Variants in DMD observed in about 807,000 individuals in gnomAD.
DMD encodes the protein dystrophin, also known as mutant dystrophin.
In DMD, 63 loss-of-function variants were observed where a neutral mutation model predicts 330.1. The ratio of observed to expected loss-of-function variants is 0.19; its 90% confidence interval spans 0.16 to 0.24. DMD has a LOEUF of 0.24. Among genes scored for constraint, DMD ranks in the 10% least tolerant of loss-of-function variants. The pLI, the probability that DMD is intolerant of heterozygous loss-of-function variation, is 1.00. For synonymous variants in DMD, 1,223 were observed against 959.8 expected, an observed-to-expected ratio of 1.27 and a Z score of -5.07; for missense variants, 3,344 against 2,684.1, an observed-to-expected ratio of 1.25 and a Z score of -5.43.
chrX:33,066,918 T>C (rs183063969), intron 1 of DMD, among the ~76,000 whole-genome samples: 2 of 111,842 alleles, frequency 1.8e-5, no homozygotes, highest in East Asian at 2.8e-4. Flanking sequence ...AGATTGACAA[T>C]ACAACATGAA....
intron 44 of DMD, among the ~76,000 whole-genome samples, chrX:31,987,160 T>C (rs932098891): frequency 5.3e-5 from 6 of 112,238 alleles, no homozygotes; most frequent in Non-Finnish European, 1.1e-4. Flanking sequence ...TTTACAAAAC[T>C]CAGCATGCTT....
Position 31,223,027 on chromosome X carries a change from A to C in DMD, c.9361+20T>G. On this transcript the variant is annotated intron_variant, in intron 64 of 78. Coordinates refer to ENST00000357033, the MANE Select transcript of DMD (RefSeq NM_004006.3). ...GCAAAGACATAGTATCAAGATCTTC[A>C]AATACTGGCCAATACTTACAGCAAA... The C allele has an allele frequency of 8.4e-7, 1 of 1,194,489 alleles. No homozygotes were observed. Among genetic ancestry groups the C allele is most frequent in the East Asian group, 3.0e-5 (1 of 33,793 alleles).
chrX:32,414,402 G>T (rs1176329558), intron 29 of DMD, among the ~76,000 whole-genome samples: 1 of 111,545 alleles, frequency 9.0e-6, no homozygotes, highest in African/African-American at 3.3e-5. Flanking sequence ...ATATGTTACG[G>T]GATGGCTAAA....
At chrX:32,930,431 AG>A (rs2089482244) in intron 2 of DMD, among the ~76,000 whole-genome samples, 2 of 110,886 alleles carry the variant, frequency 1.8e-5, no homozygotes, top group South Asian at 7.6e-4. Flanking sequence ...TTAGAGAAAG[AG>A]GAACTTCCAC....
intron 29 of DMD, among the ~76,000 whole-genome samples, chrX:32,419,515 A>T (rs530220003): frequency 8.9e-6 from 1 of 112,304 alleles, no homozygotes; most frequent in Admixed American, 9.4e-5. Flanking sequence ...TATAGGCGGT[A>T]AATAATTACA....
intron 13 of DMD, among the ~76,000 whole-genome samples, chrX:32,590,407 A>G (rs891957844): frequency 1.8e-5 from 2 of 111,131 alleles, no homozygotes; most frequent in Non-Finnish European, 3.8e-5. Context: ...GGATGCCTAG[A>G]TCACTGATGA....
intron 30 of DMD, among the ~76,000 whole-genome samples, chrX:32,392,932 G>A (rs866867104): frequency 7.1e-5 from 8 of 112,613 alleles, no homozygotes; most frequent in South Asian, 3.6e-4. Flanking sequence ...GATCTTGGAC[G>A]TTCAGCCCAG....
At position 32,705,688 on chromosome X, in the gene DMD, C is replaced by A. The variant is rs182524761; in HGVS notation, c.650-6395G>T. ...AATTTCTCCACATCCTCTCCGGCAC[C>A]TGTTGTTTCCTGACTTTTTAATGAT... On this transcript the variant is annotated intron_variant, in intron 7 of 78. Coordinates refer to ENST00000357033, the MANE Select transcript of DMD (RefSeq NM_004006.3). Among the ~76,000 whole-genome samples, 3 of 111,809 alleles carry A rather than the reference C, an allele frequency of 2.7e-5. No homozygotes were observed. The Admixed American group carries it at 2.9e-4, about 11-fold the overall frequency.
At position 32,155,444 on chromosome X, in the gene DMD, G is replaced by A; in HGVS notation, c.6438+61472C>T. On this transcript the variant is annotated intron_variant, in intron 44 of 78. Transcript: ENST00000357033. Reference sequence around the variant, plus strand: ...GTTCAGAGCAGCCAGCAATGCCTCCGCACAAAGCTTTGCCATTGCTAGTGT... The same window carrying A: ...GTTCAGAGCAGCCAGCAATGCCTCCACACAAAGCTTTGCCATTGCTAGTGT... The A allele has an allele frequency of 1.2e-5, 9 of 753,955 alleles. No individual in the cohort carries two copies. In the South Asian group the frequency reaches 3.4e-4, roughly 28 times the overall value. The allele number at this position is 753,955 out of a possible 1,213,427, so 62.1% of individuals were successfully genotyped here. A position where few individuals can be genotyped will look rare whatever the true frequency, so the allele number is the denominator to read the frequency against.
At chrX:32,648,048 C>T (rs1447061895) in intron 9 of DMD, among the ~76,000 whole-genome samples, 2 of 111,920 alleles carry the variant, frequency 1.8e-5, no homozygotes, top group Non-Finnish European at 3.8e-5. Flanking sequence ...TAACACAATA[C>T]TTTACACTGT....
chrX:31,645,412 A>C (rs917892290), intron 54 of DMD, among the ~76,000 whole-genome samples: 2 of 112,358 alleles, frequency 1.8e-5, no homozygotes, highest in South Asian at 7.4e-4. Context: ...AAAAGTCCTT[A>C]AACTTCTACC....
chrX:33,314,521 G>C (rs1053003764), intron 1 of DMD, among the ~76,000 whole-genome samples: 1 of 102,861 alleles, frequency 9.7e-6, no homozygotes, highest in Non-Finnish European at 2.0e-5. Flanking sequence ...GCCTCGCAAA[G>C]TGTTGGGATT....
chrX:32,285,932 T>C (rs1177115095), intron 43 of DMD, among the ~76,000 whole-genome samples: 1 of 110,964 alleles, frequency 9.0e-6, no homozygotes, highest in Admixed American at 9.6e-5. Context: ...ACTCCTGACC[T>C]CAAATGATGT....
chrX:31,988,068 T>C (rs1051776458), intron 44 of DMD, among the ~76,000 whole-genome samples: 1 of 112,022 alleles, frequency 8.9e-6, no homozygotes, highest in Non-Finnish European at 1.9e-5. Context: ...CTATGTTAAG[T>C]GTCTGAAGTT....
intron 61 of DMD, among the ~76,000 whole-genome samples, chrX:31,326,615 T>C (rs866551168): frequency 3.2e-5 from 3 of 93,275 alleles, no homozygotes; most frequent in Non-Finnish European, 6.4e-5. Context: ...AAAAGGAAAA[T>C]AACAACAGCC....
At chrX:33,051,461 C>T (rs2094455369) in intron 1 of DMD, among the ~76,000 whole-genome samples, 1 of 109,030 alleles carries the variant, frequency 9.2e-6, no homozygotes, top group South Asian at 4.0e-4. Context: ...ATCCACTGGC[C>T]TCTAACTCCC....
intron 7 of DMD, among the ~76,000 whole-genome samples, chrX:32,780,927 TAAAAATAAAAAAAAAATAAAA>T (rs1208566404): frequency 1.0e-5 from 1 of 99,828 alleles, no homozygotes; most frequent in Non-Finnish European, 1.9e-5. Flanking sequence ...CCGTCTCTAC[TAAAAATAAAAAAAAAATAAAA>T]AAAAATAAAA....
intron 55 of DMD, among the ~76,000 whole-genome samples, chrX:31,589,403 C>A (rs778485822): frequency 9.0e-6 from 1 of 111,086 alleles, no homozygotes; most frequent in Non-Finnish European, 1.9e-5. Flanking sequence ...TATTGGGGGT[C>A]CTATTTCTGT....
chrX:31,487,411 C>G (rs773657425), intron 57 of DMD, among the ~76,000 whole-genome samples: 1 of 110,918 alleles, frequency 9.0e-6, no homozygotes, highest in Non-Finnish European at 1.9e-5. Flanking sequence ...CAGGTGCCTG[C>G]TACCATGCCC....
Sources: gnomAD v4.1 joint callset for allele counts (sites outside exome capture counted in the v4.1 genomes callset) on GRCh38, gnomAD v4.1.1 for gene constraint, MANE v1.5 for transcripts, NCBI Gene and HGNC (gene_info 2026-07-23, HGNC 2026-07-21) for gene names.